The following CTNNA3 variants were observed in gnomAD, a reference collection of about 807,000 sequenced individuals.
CTNNA3 encodes catenin alpha-3.
In CTNNA3, 76 loss-of-function variants were observed where a neutral mutation model predicts 95.7. The ratio of observed to expected loss-of-function variants is 0.79; its 90% CI spans 0.66 to 0.96. The LOEUF is 0.96. CTNNA3 is among the 40% of genes least tolerant of loss of function. The pLI, the probability that CTNNA3 is intolerant of heterozygous loss-of-function variation, is 0.00. For missense variants in CTNNA3, 1,191 were observed against 1,089.8 expected, an observed-to-expected ratio of 1.09 and a Z score of -1.31; for synonymous variants, 431 against 374.4, an observed-to-expected ratio of 1.15 and a Z score of -1.74.
chr10:67,117,426 T>A (rs1484604441), intron 7 of CTNNA3, among the ~76,000 whole-genome samples: 1 of 151,974 alleles, frequency 6.6e-6, no homozygotes, highest in African/African-American at 2.4e-5. Flanking sequence ...AGCAATAAAA[T>A]AGCATTGAGG....
intron 11 of CTNNA3, among the ~76,000 whole-genome samples, chr10:66,467,460 G>A (rs1838963926): frequency 6.6e-6 from 1 of 151,944 alleles, no homozygotes; most frequent in Non-Finnish European, 1.5e-5. Flanking sequence ...CCACTCCCAG[G>A]GAGTATGATC....
intron 14 of CTNNA3, among the ~76,000 whole-genome samples, chr10:66,089,030 CTTTAT>C (rs1039864652): frequency 2.6e-5 from 4 of 151,766 alleles, no homozygotes; most frequent in African/African-American, 9.7e-5. Flanking sequence ...GGATGTTTGT[CTTTAT>C]TTTGTGTTTT....
At chr10:66,301,387 A>G (rs1213221261) in intron 12 of CTNNA3, among the ~76,000 whole-genome samples, 1 of 152,046 alleles carries the variant, frequency 6.6e-6, no homozygotes, top group African/African-American at 2.4e-5. Context: ...TTACAGATCA[A>G]TATTTCTTAC....
At chr10:66,215,459 C>T (rs1231870408) in intron 13 of CTNNA3, among the ~76,000 whole-genome samples, 1 of 152,186 alleles carries the variant, frequency 6.6e-6, no homozygotes, top group African/African-American at 2.4e-5. Context: ...TCTGGTATCA[C>T]TGTCCTGTCA....
intron 11 of CTNNA3, among the ~76,000 whole-genome samples, chr10:66,408,281 C>G (rs893002905): frequency 6.6e-6 from 1 of 152,038 alleles, no homozygotes; most frequent in Non-Finnish European, 1.5e-5. Flanking sequence ...CCAGTTGTAC[C>G]TTTTAAATCT....
intron 3 of CTNNA3, among the ~76,000 whole-genome samples, chr10:67,579,376 C>T (rs1366947148): frequency 6.6e-6 from 1 of 152,128 alleles, no homozygotes; most frequent in Admixed American, 6.6e-5. Flanking sequence ...CTACAAAGGA[C>T]ATCAACCCAT....
intron 9 of CTNNA3, among the ~76,000 whole-genome samples, chr10:66,664,226 G>C (rs1402802507): frequency 6.6e-6 from 1 of 151,854 alleles, no homozygotes; most frequent in Non-Finnish European, 1.5e-5. Context: ...ATATTTATAG[G>C]GTTGACATTG....
At chr10:66,313,427 G>A (rs959276982) in intron 12 of CTNNA3, among the ~76,000 whole-genome samples, 4 of 152,124 alleles carry the variant, frequency 2.6e-5, no homozygotes, top group South Asian at 2.1e-4. Flanking sequence ...GGCTGCAATT[G>A]CATTAACTTT....
chr10:67,364,462 T>C (rs1843128996), intron 5 of CTNNA3, among the ~76,000 whole-genome samples: 1 of 152,196 alleles, frequency 6.6e-6, no homozygotes. Flanking sequence ...GTGTTGGAAG[T>C]CCTGGCCAGG....
chr10:67,197,638 GA>G (rs1232927238), intron 6 of CTNNA3, among the ~76,000 whole-genome samples: 1 of 152,064 alleles, frequency 6.6e-6, no homozygotes, highest in African/African-American at 2.4e-5. Context: ...ATATTCTCTA[GA>G]GCACTGCTGT....
intron 7 of CTNNA3, among the ~76,000 whole-genome samples, chr10:67,121,981 CAAAAAAAAAAAAAAAA>C (rs370358378): frequency 1.5e-4 from 7 of 47,150 alleles, no homozygotes; most frequent in Admixed American, 2.7e-4. Context: ...TTATTCTGAG[CAAAAAAAAAAAAAAAA>C]AAAAAAAAAA....
At chr10:66,389,084 AG>A (rs2092915619) in intron 11 of CTNNA3, among the ~76,000 whole-genome samples, 1 of 152,150 alleles carries the variant, frequency 6.6e-6, no homozygotes. Flanking sequence ...TTAAACTTTT[AG>A]GAAAGAAAAA....
At chr10:66,888,673 C>T (rs1185372647) in intron 7 of CTNNA3, among the ~76,000 whole-genome samples, 2 of 151,868 alleles carry the variant, frequency 1.3e-5, no homozygotes, top group African/African-American at 4.8e-5. Context: ...AACAAGATAC[C>T]ACTACACACC....
intron 13 of CTNNA3, among the ~76,000 whole-genome samples, chr10:66,223,640 C>A (rs143269857): frequency 1.0e-3 from 155 of 152,234 alleles, no homozygotes; most frequent in African/African-American, 3.6e-3. Context: ...GTGAGGTTTA[C>A]AAGTATAAGT....
intron 7 of CTNNA3, among the ~76,000 whole-genome samples, chr10:66,944,887 A>C (rs1589464853): frequency 6.6e-6 from 1 of 152,140 alleles, no homozygotes; most frequent in Non-Finnish European, 1.5e-5. Flanking sequence ...CTTTGAAAGG[A>C]ATCTTTTTTT....
chr10:67,625,062 T>C lies in CTNNA3; in HGVS notation c.100-18013A>G, dbSNP rs577993161. ...CTATCTCTTGGTCTCTGCCATCCAG[T>C]GGGCATGATTTTTGGGCCACGTCTG... is the stretch of plus-strand genomic sequence containing the variant. On this transcript the variant is annotated intron_variant, in intron 2 of 17. Coordinates refer to ENST00000433211, the MANE Select transcript of CTNNA3 (RefSeq NM_013266.4). Among the ~76,000 whole-genome samples the C allele has an allele frequency of 4.6e-5, 7 of 152,292 alleles. No individual in the cohort carries two copies. The Middle Eastern group carries it at 0.01, about 222-fold the overall frequency.
At chr10:67,489,514 G>A (rs186153959) in intron 5 of CTNNA3, among the ~76,000 whole-genome samples, 12 of 152,216 alleles carry the variant, frequency 7.9e-5, no homozygotes, top group East Asian at 5.8e-4. Context: ...ACATTTAAGC[G>A]TGGAAAGAGA....
chr10:66,229,067 T>C (rs1233305205), intron 13 of CTNNA3, among the ~76,000 whole-genome samples: 1 of 152,162 alleles, frequency 6.6e-6, no homozygotes, highest in Non-Finnish European at 1.5e-5. Context: ...TATAGTTAGG[T>C]CAATTTTTTA....
In CTNNA3 at chr10:67,241,466, T is replaced by A. The variant is rs539027008; in HGVS notation, c.580-21596A>T. On this transcript the variant is annotated intron_variant, in intron 5 of 17. Transcript: ENST00000433211. The stretch of plus-strand genomic sequence containing the variant: ...GTCAGAAAATTTTTCCTCTAAAGCA[T>A]AATTAACAATTATAAAAGTAAAGTT... Among the ~76,000 whole-genome samples, 7 of 152,194 alleles carry A rather than the reference T, an allele frequency of 4.6e-5. No individual in the cohort carries two copies. In the South Asian group the frequency reaches 1.5e-3, roughly 32 times the overall value.
Sources: allele counts gnomAD v4.1 joint callset (sites outside exome capture counted in the v4.1 genomes callset), GRCh38; gene constraint gnomAD v4.1.1; transcripts MANE v1.5; gene names NCBI Gene and HGNC (gene_info 2026-07-23, HGNC 2026-07-21).